The following HUWE1 variants were observed in gnomAD, a reference collection of about 807,000 sequenced individuals.
HUWE1 encodes the protein HECT, UBA and WWE domain containing E3 ubiquitin protein ligase 1.
In HUWE1, 18 loss-of-function variants were observed where a neutral mutation model predicts 299.4. The ratio of observed to expected loss-of-function variants is 0.06; its 90% CI spans 0.04 to 0.09. The LOEUF is 0.09. Among genes scored for constraint, HUWE1 ranks in the 10% least tolerant of loss-of-function variants. HUWE1 has a pLI of 1.00. For synonymous variants in HUWE1, 1,317 were observed against 1,286.1 expected (o/e 1.02, Z -0.51); for missense variants, 1,832 against 3,462.3 (o/e 0.53, Z 11.82).
At chrX:53,606,015 G>A (rs2065132274) in intron 25 of HUWE1, among the ~76,000 whole-genome samples, 2 of 111,628 alleles carry the variant, frequency 1.8e-5, no homozygotes, top group Admixed American at 1.9e-4. Flanking sequence ...AGCCACAGTG[G>A]GAAAGCTGCA....
intron 3 of HUWE1, among the ~76,000 whole-genome samples, chrX:53,676,798 T>C (rs932908177): frequency 8.9e-6 from 1 of 111,806 alleles, no homozygotes; most frequent in Non-Finnish European, 1.9e-5. Flanking sequence ...GGATGCATAG[T>C]TATATATACA....
In HUWE1 at chrX:53,575,183, A is replaced by C; in HGVS notation, c.6069T>G (p.Thr2023=). 1 of 1,205,691 alleles carries C rather than the reference A, an allele frequency of 8.3e-7. No individual in the cohort carries two copies. Among genetic ancestry groups the C allele is most frequent in the South Asian group, 1.8e-5 (1 of 56,267 alleles). The change falls in exon 46 of 84, where the codon ACT becomes ACG. Residue 2023 remains threonine (T), a synonymous_variant. Coordinates refer to ENST00000262854, the MANE Select transcript of HUWE1 (RefSeq NM_031407.7). ...CTCCTTGGGAGGTCCCAGATGCGGA[A>C]GTCTCAGTGGAGGCACCATCTGCAG... ...VFAADGASTE[T]SASGTSQGEA...
intron 39 of HUWE1, among the ~76,000 whole-genome samples, chrX:53,585,439 G>A (rs2063810081): frequency 8.9e-6 from 1 of 112,207 alleles, no homozygotes; most frequent in Non-Finnish European, 1.9e-5. Flanking sequence ...TAACAGTGCT[G>A]GGAGGTGGGG....
chrX:53,595,477 T>C (rs1461352353), intron 29 of HUWE1, 74 bp from the exon 30 acceptor site: 19 of 827,532 alleles, frequency 2.3e-5, no homozygotes, highest in Non-Finnish European at 3.3e-5. Context: ...ATATTACCAT[T>C]AACATATTTT....
intron 36 of HUWE1, among the ~76,000 whole-genome samples, chrX:53,589,180 G>A (rs2064018511): frequency 1.8e-5 from 2 of 111,997 alleles, no homozygotes; most frequent in Admixed American, 1.9e-4. Context: ...AAGAAAAAGA[G>A]GACAAATATC....
chrX:53,653,637 C>G, intron 4 of HUWE1, among the ~76,000 whole-genome samples: 1 of 112,465 alleles, frequency 8.9e-6, no homozygotes, highest in South Asian at 3.7e-4. Flanking sequence ...TAAAGACAAG[C>G]TAAAACACTG....
chrX:53,542,409 T>C (rs2061383708), intron 74 of HUWE1, 34 bp downstream of exon 74: 4 of 948,894 alleles, frequency 4.2e-6, no homozygotes, highest in East Asian at 6.1e-5. Flanking sequence ...TGGCTATCCC[T>C]TTTGCTCGGC....
rs782436577 is a variant in HUWE1, at chrX:53,551,043, C to T, written c.9243G>A (p.Val3081=). The T allele has an allele frequency of 8.3e-7, 1 of 1,211,910 alleles. No individual in the cohort carries two copies. The highest frequency in any genetic ancestry group is 1.1e-6 in the Non-Finnish European group (1 of 895,512). ...RSVLEDMEDS[V]LAVMPPDIAA... The stretch of plus-strand genomic sequence containing the variant: ...CAATGTCAGGTGGCATCACAGCTAA[C>T]ACACTGTCCTCCATATCCTCTAGGA... Residue 3081 remains valine, a synonymous_variant, in exon 65 of 84, where the codon GTG becomes GTA. Transcript: ENST00000262854.
At chrX:53,643,387 T>C (rs1185063876) in intron 7 of HUWE1, among the ~76,000 whole-genome samples, 6 of 110,575 alleles carry the variant, frequency 5.4e-5, no homozygotes, top group Non-Finnish European at 1.1e-4. Context: ...CTTGCTCTTG[T>C]CACACAGCCT....
chrX:53,595,123 T>C lies in HUWE1; in HGVS notation c.3380+64A>G, dbSNP rs2064389753. ...GGCTCACACTCCATTTTAAGTAGTATAGGAACAACTTACATATTTTTTATT... is the reference window on the plus strand; with the variant it reads ...GGCTCACACTCCATTTTAAGTAGTACAGGAACAACTTACATATTTTTTATT... On this transcript the variant is annotated intron_variant, in intron 30 of 83. Coordinates refer to ENST00000262854, the MANE Select transcript of HUWE1 (RefSeq NM_031407.7). The C allele has an allele frequency of 3.1e-6, 3 of 971,588 alleles. No individual in the cohort carries two copies. The South Asian group carries it at 5.9e-5, about 19-fold the overall frequency. 80.1% of individuals were successfully genotyped at this position (971,588 alleles called of 1,213,427 possible).
intron 15 of HUWE1, 40 bp downstream of exon 15, chrX:53,628,453 C>T (rs1340001815): frequency 4.0e-5 from 45 of 1,133,759 alleles, no homozygotes; most frequent in Non-Finnish European, 4.9e-5. Context: ...AGTTGATTTC[C>T]CCATGTAGTT....
At chrX:53,624,400 G>A (rs1251043422) in intron 19 of HUWE1, among the ~76,000 whole-genome samples, 195 bp downstream of exon 19, 2 of 112,296 alleles carry the variant, frequency 1.8e-5, no homozygotes, top group Non-Finnish European at 3.8e-5. Flanking sequence ...GGGAGGCTGA[G>A]GCAGGAGACT....
At chrX:53,664,051 G>C (rs1027481237) in intron 3 of HUWE1, among the ~76,000 whole-genome samples, 2 of 110,285 alleles carry the variant, frequency 1.8e-5, no homozygotes, top group African/African-American at 6.6e-5. Flanking sequence ...ATTTCCTTTT[G>C]TAATTTGTTT....
At position 53,647,424 on chromosome X, in the gene HUWE1, A is replaced by G; in HGVS notation, c.295T>C (p.Phe99Leu). The G allele has an allele frequency of 8.3e-7, 1 of 1,209,579 alleles. No individual in the cohort carries two copies. Among genetic ancestry groups the G allele is most frequent in the Non-Finnish European group, 1.1e-6 (1 of 893,535 alleles). ...CTGTACTCAATGAGCAAGGCTGTGA[A>G]GTTCAACACAGCCAAGAGAAGCATT... ...LKMLLLAVLN[F>L]TALLIEYSFS... The change falls in exon 6 of 84, where the codon TTC (phenylalanine) becomes CTC (leucine). Residue 99 changes from phenylalanine to leucine, a missense_variant. Phe to Leu is a conservative substitution (Grantham distance 22). Coordinates refer to ENST00000262854, the MANE Select transcript of HUWE1 (RefSeq NM_031407.7).
intron 3 of HUWE1, among the ~76,000 whole-genome samples, chrX:53,659,252 T>TTA (rs2068886261): frequency 8.9e-6 from 1 of 112,679 alleles, no homozygotes; most frequent in African/African-American, 3.2e-5. Flanking sequence ...ACATGGATGT[T>TTA]TATAGTACCT....
chrX:53,663,277 C>A (rs998491070), intron 3 of HUWE1, among the ~76,000 whole-genome samples: 1 of 112,188 alleles, frequency 8.9e-6, no homozygotes, highest in Non-Finnish European at 1.9e-5. Flanking sequence ...CTCTGGGAGG[C>A]CGAGGCGGGT....
At chrX:53,557,174 G>A (rs781963995) in intron 60 of HUWE1, 5 of 545,442 alleles carry the variant, frequency 9.2e-6, no homozygotes, top group Admixed American at 4.6e-5. Flanking sequence ...AGAGCCAGTC[G>A]GAGAAGAAGT....
chrX:53,677,334 T>G (rs2069876873), intron 3 of HUWE1, among the ~76,000 whole-genome samples: 1 of 110,490 alleles, frequency 9.1e-6, no homozygotes, highest in Admixed American at 9.7e-5. Context: ...TCTAAGCACT[T>G]TATATGCATT....
rs1211964189 is a variant in HUWE1 at position 53,594,480 on chromosome X, G to A, written c.3503+19C>T. On this transcript the variant is annotated intron_variant, in intron 31 of 83. Transcript: ENST00000262854. The stretch of plus-strand genomic sequence containing the variant: ...CAAACTCCAAGAAATGCTCCTCTGT[G>A]AAGCAACTTGATCCTTACTCAAAAA... 8.3e-7 allele frequency: 1 copy of A among 1,206,642 alleles called. No homozygotes were observed. The highest frequency in any genetic ancestry group is 1.1e-6 in the Non-Finnish European group (1 of 893,095).
Sources: gnomAD v4.1 joint callset for allele counts (sites outside exome capture counted in the v4.1 genomes callset) on GRCh38, gnomAD v4.1.1 for gene constraint, MANE v1.5 for transcripts, NCBI Gene and HGNC (gene_info 2026-07-23, HGNC 2026-07-21) for gene names.